GSE1: variants seen among roughly 807,000 people sequenced by gnomAD.
GSE1 encodes the protein Gse1 coiled-coil protein.
GSE1 carries 32 observed loss-of-function variants against 112.6 expected under a neutral mutation model. The observed-to-expected ratio is 0.28, with a 90% CI of 0.21 to 0.38. The LOEUF (loss-of-function observed/expected upper bound fraction) is 0.38, where lower values mean the gene tolerates loss of function less well. Among genes scored for constraint, GSE1 ranks in the 10% least tolerant of loss-of-function variants. GSE1 has a pLI of 1.00. For missense variants in GSE1, 2,348 were observed against 1,699.2 expected (o/e 1.38, Z -6.71); for synonymous variants, 1,115 against 735.6 (o/e 1.52, Z -8.35).
rs2053646483 is a variant in GSE1, at chr16:85,675,825, TCTTTCAAGTAA to T, written c.*3288_*3298del. ...ATTAGCCACTTAGCAATCTCTATAT[TCTTTCAAGTAA>T]CCAAGCTGTTGACTTTCTTACTACT... On this transcript the variant is annotated 3_prime_UTR_variant, in exon 16 of 16. Transcript: ENST00000253458. 6.6e-6 allele frequency: 1 copy of T among 152,238 alleles called. No homozygotes were observed. Among genetic ancestry groups the T allele is most frequent in the South Asian group, 2.1e-4 (1 of 4,830 alleles). 9.4% of individuals were successfully genotyped at this position (152,238 alleles called of 1,614,324 possible).
Position 85,393,074 on chromosome 16 carries a change from C to T in GSE1, c.2464+35431C>T, listed in dbSNP as rs1000454453. 3.9e-5 allele frequency among the ~76,000 whole-genome samples: 6 copies of T among 152,168 alleles called. No homozygotes were observed. The South Asian group carries it at 1.2e-3, about 32-fold the overall frequency. On this transcript the variant is annotated intron_variant, in intron 2 of 2. Coordinates refer to the GSE1 transcript ENST00000637419. ...AGGCTGCTGGTGCAGGGCCTGCAGTCGTTGCTTCTCACAGGCAGCTGCCTC... is the reference window on the plus strand; with the variant it reads ...AGGCTGCTGGTGCAGGGCCTGCAGTTGTTGCTTCTCACAGGCAGCTGCCTC...
intron 1 of GSE1, among the ~76,000 whole-genome samples, chr16:85,205,411 C>T (rs2075098489): frequency 1.3e-5 from 2 of 152,190 alleles, no homozygotes; most frequent in South Asian, 4.1e-4. Flanking sequence ...GGATTACAGG[C>T]ATGAGCCACC....
chr16:85,246,496 ACACAC>A lies in GSE1; in HGVS notation c.2283+74691_2283+74695del, dbSNP rs1458729953. On this transcript the variant is annotated intron_variant, in intron 1 of 2. Coordinates refer to the GSE1 transcript ENST00000637419. The stretch of plus-strand genomic sequence containing the variant: ...GCACACACACACACACACACACTCT[ACACAC>A]CCCCCCCCCCCCGACGCTGTCTGCA... Among the ~76,000 whole-genome samples, 82 of 40,446 alleles carry A rather than the reference ACACAC, an allele frequency of 2.0e-3. 10 individuals are homozygous for A. Among genetic ancestry groups the A allele is most frequent in the Non-Finnish European group, 3.2e-3 (61 of 19,186 alleles). The allele number at this position is 40,446 out of a possible 152,430, so 26.5% of individuals were successfully genotyped here. A position where few individuals can be genotyped will look rare whatever the true frequency, so the allele number is the denominator to read the frequency against.
upstream of GSE1, among the ~76,000 whole-genome samples, chr16:85,554,649 T>C (rs113419147): frequency 0.041 from 6,207 of 152,214 alleles, 165 homozygotes; most frequent in Middle Eastern, 0.075. Context: ...CCGGCCGGCG[T>C]GTGCGTTGCC....
chr16:85,185,812 G>T (rs2074688083), intron 1 of GSE1, among the ~76,000 whole-genome samples: 1 of 152,242 alleles, frequency 6.6e-6, no homozygotes, highest in Non-Finnish European at 1.5e-5. Context: ...CCTGCCCATG[G>T]TCTGAACCCT....
chr16:85,487,265 GC>G (rs2050871792), intron 2 of GSE1, among the ~76,000 whole-genome samples: 1 of 152,182 alleles, frequency 6.6e-6, no homozygotes, highest in African/African-American at 2.4e-5. Context: ...GACTGAGTCT[GC>G]CTTGCACTCA....
chr16:85,480,715 C>T (rs1475569356), intron 2 of GSE1, among the ~76,000 whole-genome samples: 1 of 152,076 alleles, frequency 6.6e-6, no homozygotes, highest in Non-Finnish European at 1.5e-5. Context: ...GCCAAGGTCC[C>T]TGAGAAGATG....
At chr16:85,439,788 C>T (rs1169688760) in intron 2 of GSE1, among the ~76,000 whole-genome samples, 2 of 152,072 alleles carry the variant, frequency 1.3e-5, no homozygotes, top group Admixed American at 6.5e-5. Context: ...TGAGTGCACA[C>T]ATGTGCACAG....
intron 1 of GSE1, among the ~76,000 whole-genome samples, chr16:85,615,087 C>T (rs987963161): frequency 6.6e-6 from 1 of 152,216 alleles, no homozygotes; most frequent in Admixed American, 6.5e-5. Flanking sequence ...CCTTCCCTGG[C>T]CTCCCTCGGT....
chr16:85,339,414 T>G (rs1022327258), intron 1 of GSE1, among the ~76,000 whole-genome samples: 1 of 152,272 alleles, frequency 6.6e-6, no homozygotes, highest in Non-Finnish European at 1.5e-5. Context: ...CTGGCACGAC[T>G]CTGCCTGCTT....
rs189565961 is a variant in GSE1 at position 85,489,606 on chromosome 16, G to A, written c.2464+131963G>A. 5.5e-5 allele frequency among the ~76,000 whole-genome samples: 8 copies of A among 145,846 alleles called. No individual in the cohort carries two copies. The East Asian group carries it at 1.4e-3, about 26-fold the overall frequency. On this transcript the variant is annotated intron_variant, in intron 2 of 2. Transcript: ENST00000637419. ...CCACCCCACAAGCCGTGCTTCATTC[G>A]TGAAGTTGCTACGCGGCCCGCGCCT...
In GSE1 at chr16:85,613,328, G is replaced by A. The variant is rs2048122257; in HGVS notation, c.-64G>A. 7.7e-6 allele frequency: 12 copies of A among 1,554,098 alleles called. No homozygotes were observed. The South Asian group carries it at 1.2e-4, about 15-fold the overall frequency. ...AGCCCCGGGTGAGATAAGCAGTTTA[G>A]ACAAACACTGGGCGACGGTGGCTCC... On this transcript the variant is annotated 5_prime_UTR_variant, in exon 1 of 16. Coordinates refer to ENST00000253458, the MANE Select transcript of GSE1 (RefSeq NM_014615.5).
chr16:85,563,494 C>T (rs953343818), intron 1 of GSE1, among the ~76,000 whole-genome samples: 1 of 152,192 alleles, frequency 6.6e-6, no homozygotes, highest in Non-Finnish European at 1.5e-5. Flanking sequence ...GGAGTGGGTG[C>T]TGGGGCTGGG....
chr16:85,216,221 TAGTG>T (rs2075304693), intron 1 of GSE1, among the ~76,000 whole-genome samples: 3 of 152,306 alleles, frequency 2.0e-5, no homozygotes, highest in South Asian at 4.1e-4. Context: ...TTGGGCAACA[TAGTG>T]AGACCCCATC....
At chr16:85,520,839 C>A (rs1408137026) in intron 2 of GSE1, among the ~76,000 whole-genome samples, 1 of 152,168 alleles carries the variant, frequency 6.6e-6, no homozygotes, top group Non-Finnish European at 1.5e-5. Flanking sequence ...CAATGGGGAC[C>A]AGCCTGGGGG....
exon 1 of GSE1, chr16:85,171,783 C>T (rs2074362156): frequency 1.2e-5 from 12 of 985,634 alleles, no homozygotes; most frequent in Admixed American, 6.1e-5. Context: ...TGAGCTGGAG[C>T]TCCCCGGTGG....
intron 1 of GSE1, among the ~76,000 whole-genome samples, chr16:85,602,455 G>A (rs1325767037): frequency 1.3e-5 from 2 of 152,172 alleles, no homozygotes; most frequent in African/African-American, 4.8e-5. Flanking sequence ...GGCCCTGGCC[G>A]CCCTGGGGTT....
At chr16:85,403,348 G>T (rs1384534450) in intron 2 of GSE1, among the ~76,000 whole-genome samples, 1 of 152,202 alleles carries the variant, frequency 6.6e-6, no homozygotes, top group Non-Finnish European at 1.5e-5. Flanking sequence ...AAGGGCGGGG[G>T]CCACCCAGGG....
At chr16:85,392,127 G>T (rs112946218) in intron 2 of GSE1, among the ~76,000 whole-genome samples, 21 of 151,850 alleles carry the variant, frequency 1.4e-4, no homozygotes, top group African/African-American at 4.8e-4. Context: ...TCATCTCCCT[G>T]CCCTTGATCC....
Sources: gnomAD v4.1 joint callset for allele counts (sites outside exome capture counted in the v4.1 genomes callset) on GRCh38, gnomAD v4.1.1 for gene constraint, MANE v1.5 for transcripts, NCBI Gene and HGNC (gene_info 2026-07-23, HGNC 2026-07-21) for gene names.